DPF3: variants seen among roughly 807,000 people sequenced by gnomAD.
DPF3 encodes zinc finger protein DPF3.
A neutral mutation model predicts 56.8 loss-of-function variants in DPF3; 18 were observed. The ratio of observed to expected loss-of-function variants is 0.32; its 90% CI spans 0.22 to 0.47. The LOEUF (loss-of-function observed/expected upper bound fraction) is 0.47. Ranked by LOEUF, DPF3 falls within the 20% of genes least tolerant of loss-of-function variation. The pLI, the probability that DPF3 is intolerant of heterozygous loss-of-function variation, is 1.00. For missense variants in DPF3, 403 were observed against 488.8 expected, an observed-to-expected ratio of 0.82 and a Z score of 1.65; for synonymous variants, 188 against 180.2, an observed-to-expected ratio of 1.04 and a Z score of -0.35.
chr14:72,648,359 C>T (rs984226852), intron 8 of DPF3, among the ~76,000 whole-genome samples: 20 of 152,044 alleles, frequency 1.3e-4, no homozygotes, highest in African/African-American at 4.6e-4. Flanking sequence ...GTCAGGAGTT[C>T]GAGACCAGCT....
chr14:72,785,972 A>G (rs1395946865), intron 1 of DPF3, among the ~76,000 whole-genome samples: 3 of 152,230 alleles, frequency 2.0e-5, no homozygotes, highest in East Asian at 3.9e-4. Flanking sequence ...AAAGGAAATC[A>G]ATAACCAGGC....
chr14:72,838,908 CTTTTTTTTTT>C lies in DPF3; in HGVS notation c.32+55139_32+55148del, dbSNP rs376458640. Among the ~76,000 whole-genome samples, 171 of 78,576 alleles carry C rather than the reference CTTTTTTTTTT, an allele frequency of 2.2e-3. 1 individual carries two copies. The highest frequency in any genetic ancestry group is 0.011 in the African/African-American group (162 of 14,404). 51.5% of individuals were successfully genotyped at this position (78,576 alleles called of 152,430 possible). A position where few individuals can be genotyped will look rare whatever the true frequency, so the allele number is the denominator to read the frequency against. ...TATCATATATATTATCATATATATTCTTTTTTTTTTTTTTTTTTTTTTTTTTTTTTTGGAG... is the reference window on the plus strand; with the variant it reads ...TATCATATATATTATCATATATATTCTTTTTTTTTTTTTTTTTTTTTGGAG... On this transcript the variant is annotated intron_variant, in intron 1 of 10. Transcript: ENST00000556509.
At chr14:72,776,693 C>T (rs1197716093) in intron 1 of DPF3, among the ~76,000 whole-genome samples, 1 of 152,158 alleles carries the variant, frequency 6.6e-6, no homozygotes, top group East Asian at 1.9e-4. Flanking sequence ...TCTCAGATCA[C>T]TCTCAGGTCC....
chr14:72,849,390 T>C (rs1884883152), intron 1 of DPF3, among the ~76,000 whole-genome samples: 1 of 152,118 alleles, frequency 6.6e-6, no homozygotes, highest in South Asian at 2.1e-4. Context: ...TCTTTTGCCC[T>C]CTCCTCTCCC....
intron 1 of DPF3, among the ~76,000 whole-genome samples, chr14:72,781,720 G>C (rs1891982309): frequency 6.6e-6 from 1 of 151,942 alleles, no homozygotes; most frequent in Admixed American, 6.6e-5. Context: ...TGGGGTGGCG[G>C]GGGAGGTGGG....
chr14:72,849,548 C>T (rs771784189), intron 1 of DPF3, among the ~76,000 whole-genome samples: 20 of 152,160 alleles, frequency 1.3e-4, no homozygotes, highest in Non-Finnish European at 1.6e-4. Flanking sequence ...TAGCTAAAGC[C>T]GGCAAGGTCC....
chr14:72,716,113 C>G (rs183495776), intron 5 of DPF3, among the ~76,000 whole-genome samples: 1 of 151,882 alleles, frequency 6.6e-6, no homozygotes, highest in African/African-American at 2.4e-5. Context: ...AATGACGAGG[C>G]AACAGCAGAC....
In DPF3 at chr14:72,804,045, G is replaced by T. The variant is rs560655870; in HGVS notation, c.33-32152C>A. Among the ~76,000 whole-genome samples, 13 of 152,288 alleles carry T rather than the reference G, an allele frequency of 8.5e-5. No individual in the cohort carries two copies. In the East Asian group the frequency reaches 2.5e-3, roughly 29 times the overall value. ...CATGGTGATAACCCCAGAAGGGAAG[G>T]GTGCAGAGACGCCAAGAAACAAGAA... On this transcript the variant is annotated intron_variant, in intron 1 of 10. Coordinates refer to ENST00000556509, the MANE Select transcript of DPF3 (RefSeq NM_001280542.3).
chr14:72,804,809 A>G (rs1199442356), intron 1 of DPF3, among the ~76,000 whole-genome samples: 2 of 152,186 alleles, frequency 1.3e-5, no homozygotes, highest in African/African-American at 4.8e-5. Context: ...GGACGTTGGT[A>G]TAAAATAGGC....
intron 8 of DPF3, among the ~76,000 whole-genome samples, chr14:72,652,323 G>A (rs1018671292): frequency 6.6e-6 from 1 of 152,168 alleles, no homozygotes; most frequent in Admixed American, 6.5e-5. Context: ...CATTGGTGGT[G>A]GTGGGCTGAC....
intron 8 of DPF3, among the ~76,000 whole-genome samples, chr14:72,634,661 G>A (rs571504243): frequency 1.3e-5 from 2 of 151,438 alleles, no homozygotes; most frequent in African/African-American, 2.4e-5. Flanking sequence ...TATTAGGCTG[G>A]TGCAAAAGTA....
chr14:72,706,031 C>A (rs982137584), intron 6 of DPF3, among the ~76,000 whole-genome samples: 6 of 152,158 alleles, frequency 3.9e-5, no homozygotes, highest in Non-Finnish European at 7.4e-5. Flanking sequence ...GTTAATTAAC[C>A]CTTCCTCTCC....
At chr14:72,768,272 A>T (rs892653349) in intron 2 of DPF3, among the ~76,000 whole-genome samples, 1 of 152,214 alleles carries the variant, frequency 6.6e-6, no homozygotes. Context: ...ACGTTTTCTA[A>T]ATTATGTTTG....
intron 1 of DPF3, among the ~76,000 whole-genome samples, chr14:72,861,771 G>T (rs1202000057): frequency 6.8e-6 from 1 of 147,128 alleles, no homozygotes. Context: ...AAGAAAGAAA[G>T]AAAGAAAGAA....
chr14:72,690,192 C>T (rs143851133), intron 7 of DPF3, among the ~76,000 whole-genome samples: 287 of 152,210 alleles, frequency 1.9e-3, no homozygotes, highest in African/African-American at 6.7e-3. Flanking sequence ...CCACGTAGGG[C>T]GAGGGGAGAC....
chr14:72,790,010 G>A (rs1050639386), intron 1 of DPF3, among the ~76,000 whole-genome samples: 1 of 152,118 alleles, frequency 6.6e-6, no homozygotes, highest in Non-Finnish European at 1.5e-5. Context: ...CCAGCACTTT[G>A]GGAGGCCAAG....
Position 72,658,974 on chromosome 14 carries a change from C to T in DPF3, c.871+15266G>A, listed in dbSNP as rs567496570. 1.6e-3 allele frequency among the ~76,000 whole-genome samples: 239 copies of T among 151,848 alleles called. 1 individual carries two copies. The highest frequency in any genetic ancestry group is 3.4e-3 in the Middle Eastern group (1 of 294). ...CCAACACTGAAAAATGGGGAGATCTCATCAAAATGTTTGAATTGTGACCTC... is the reference window on the plus strand; with the variant it reads ...CCAACACTGAAAAATGGGGAGATCTTATCAAAATGTTTGAATTGTGACCTC... On this transcript the variant is annotated intron_variant, in intron 8 of 10. Transcript: ENST00000556509.
rs1567273912 is a variant in DPF3 at position 72,893,021 on chromosome 14, A to AAGGAAGGCAGGCAGGC, written c.32+1035_32+1036insGCCTGCCTGCCTTCCT. The stretch of plus-strand genomic sequence containing the variant: ...GAAGGAAGGAAGGAAGGAAGGAAGG[A>AAGGAAGGCAGGCAGGC]AGGATGAAAAGGAGGAGGAAGGCAG... On this transcript the variant is annotated intron_variant, in intron 1 of 10. Coordinates refer to ENST00000556509, the MANE Select transcript of DPF3 (RefSeq NM_001280542.3). Among the ~76,000 whole-genome samples, 8 of 135,454 alleles carry AAGGAAGGCAGGCAGGC rather than the reference A, an allele frequency of 5.9e-5. 2 individuals are homozygous for AAGGAAGGCAGGCAGGC. The highest frequency in any genetic ancestry group is 5.0e-4 in the South Asian group (2 of 4,006). The allele number at this position is 135,454 out of a possible 152,430, so 88.9% of individuals were successfully genotyped here.
At chr14:72,868,020 C>T (rs1885746960) in intron 1 of DPF3, among the ~76,000 whole-genome samples, 1 of 152,108 alleles carries the variant, frequency 6.6e-6, no homozygotes, top group Non-Finnish European at 1.5e-5. Flanking sequence ...GATTACTGAG[C>T]CACCACACCC....
Sources: gnomAD v4.1 joint callset for allele counts (sites outside exome capture counted in the v4.1 genomes callset) on GRCh38, gnomAD v4.1.1 for gene constraint, MANE v1.5 for transcripts, NCBI Gene and HGNC (gene_info 2026-07-23, HGNC 2026-07-21) for gene names.